Variants in TMTC1 observed in about 807,000 individuals in gnomAD.
TMTC1 encodes the protein protein O-mannosyl-transferase TMTC1.
A neutral mutation model predicts 104.8 loss-of-function variants in TMTC1; 73 were observed. The ratio of observed to expected loss-of-function variants is 0.70; its 90% CI spans 0.58 to 0.85. TMTC1 has a LOEUF of 0.85. Ranked by LOEUF, TMTC1 falls within the 40% of genes least tolerant of loss-of-function variation. The pLI is 0.00. For missense variants in TMTC1, 1,035 were observed against 1,096.1 expected (o/e 0.94, Z 0.79); for synonymous variants, 434 against 428.7 (o/e 1.01, Z -0.15).
At chr12:29,714,009 C>G (rs1445677460) in intron 5 of TMTC1, among the ~76,000 whole-genome samples, 1 of 152,106 alleles carries the variant, frequency 6.6e-6, no homozygotes, top group Non-Finnish European at 1.5e-5. Context: ...TTCTTTCTCA[C>G]CGGAGGGCAC....
At chr12:29,508,141 G>T (rs1003542216) in intron 17 of TMTC1, among the ~76,000 whole-genome samples, 9 of 152,090 alleles carry the variant, frequency 5.9e-5, no homozygotes, top group Non-Finnish European at 1.0e-4. Flanking sequence ...GTATTTACTG[G>T]TCATATTGGT....
rs1943503103 is a variant in TMTC1 at position 29,767,812 on chromosome 12, G to A, written c.480+86C>T. The A allele has an allele frequency of 2.6e-6, 3 of 1,149,212 alleles. No individual in the cohort carries two copies. In the Admixed American group the frequency reaches 6.6e-5, roughly 25 times the overall value. The allele number at this position is 1,149,212 out of a possible 1,614,324, so 71.2% of individuals were successfully genotyped here. On this transcript the variant is annotated intron_variant, in intron 2 of 17. Coordinates refer to ENST00000539277, the MANE Select transcript of TMTC1 (RefSeq NM_001193451.2). ...TCTACATATACACACATATTTACAT[G>A]TATATATATGTGTGTGTATACACGT...
chr12:29,768,436 T>A (rs1943523242), intron 1 of TMTC1, among the ~76,000 whole-genome samples: 1 of 151,984 alleles, frequency 6.6e-6, no homozygotes, highest in African/African-American at 2.4e-5. Flanking sequence ...AGCAACTGAG[T>A]GTTGAAAGGG....
chr12:29,586,999 C>G (rs1299027226), intron 7 of TMTC1, among the ~76,000 whole-genome samples: 27 of 152,066 alleles, frequency 1.8e-4, no homozygotes, highest in Non-Finnish European at 1.2e-4. Flanking sequence ...GGAATAGTTT[C>G]AGAAGGAATG....
chr12:29,601,281 G>A (rs1349045772), intron 7 of TMTC1, among the ~76,000 whole-genome samples: 1 of 152,176 alleles, frequency 6.6e-6, no homozygotes, highest in East Asian at 1.9e-4. Flanking sequence ...AAGGGTTGGC[G>A]ACAATACTAT....
At chr12:29,664,494 TAAAC>T (rs1314091944) in intron 5 of TMTC1, among the ~76,000 whole-genome samples, 1 of 152,044 alleles carries the variant, frequency 6.6e-6, no homozygotes, top group Non-Finnish European at 1.5e-5. Context: ...ACACCAAAAA[TAAAC>T]AAACTTTCCC....
At chr12:29,755,016 C>A (rs758971057) in intron 4 of TMTC1, among the ~76,000 whole-genome samples, 3 of 151,918 alleles carry the variant, frequency 2.0e-5, no homozygotes, top group Non-Finnish European at 2.9e-5. Context: ...AAAAATGGGG[C>A]CTGCTTGTAA....
chr12:29,642,956 C>CA (rs58327324), intron 5 of TMTC1, among the ~76,000 whole-genome samples: 18,839 of 150,246 alleles, frequency 0.13, 1,216 homozygotes, highest in African/African-American at 0.16. Context: ...AACAAACAAA[C>CA]AAAAAAACCC....
intron 9 of TMTC1, among the ~76,000 whole-genome samples, chr12:29,567,062 A>T (rs1945536007): frequency 6.6e-6 from 1 of 152,098 alleles, no homozygotes; most frequent in African/African-American, 2.4e-5. Context: ...TTTAAAAGTA[A>T]ATCTCTTGCC....
intron 5 of TMTC1, among the ~76,000 whole-genome samples, chr12:29,715,985 C>CAGT (rs1393534002): frequency 2.5e-5 from 3 of 121,338 alleles, no homozygotes; most frequent in African/African-American, 9.4e-5. Context: ...CAGCCAAACT[C>CAGT]AGTATTATTA....
At chr12:29,526,029 C>T (rs1944334300) in intron 11 of TMTC1, among the ~76,000 whole-genome samples, 1 of 152,098 alleles carries the variant, frequency 6.6e-6, no homozygotes, top group South Asian at 2.1e-4. Context: ...TTAAAAATGA[C>T]AGTTGAATGA....
intron 6 of TMTC1, among the ~76,000 whole-genome samples, chr12:29,620,370 G>A (rs1947098859): frequency 6.6e-6 from 1 of 152,144 alleles, no homozygotes; most frequent in African/African-American, 2.4e-5. Flanking sequence ...TGGAATCTGG[G>A]CAACACAACT....
chr12:29,501,695 C>T lies in TMTC1; in HGVS notation c.*5151G>A, dbSNP rs1374816505. ...ATTTTTAGAAATAGACATGTCTCTC[C>T]AGGTAGGAGTCAATGGTGATCTATG... On this transcript the variant is annotated 3_prime_UTR_variant, in exon 18 of 18. Coordinates refer to ENST00000539277, the MANE Select transcript of TMTC1 (RefSeq NM_001193451.2). 6.6e-6 allele frequency: 1 copy of T among 152,076 alleles called. No individual in the cohort carries two copies. The highest frequency in any genetic ancestry group is 1.5e-5 in the Non-Finnish European group (1 of 68,022). The allele number at this position is 152,076 out of a possible 1,614,324, so 9.4% of individuals were successfully genotyped here.
intron 5 of TMTC1, among the ~76,000 whole-genome samples, chr12:29,689,323 C>T (rs575530690): frequency 4.6e-5 from 7 of 151,860 alleles, no homozygotes; most frequent in African/African-American, 1.7e-4. Flanking sequence ...ACTCTGTCAC[C>T]CAGGCTGGAG....
At chr12:29,727,289 G>C (rs570185971) in intron 5 of TMTC1, among the ~76,000 whole-genome samples, 85 of 152,340 alleles carry the variant, frequency 5.6e-4, no homozygotes, top group African/African-American at 1.9e-3. Context: ...GGATTACAGT[G>C]ATGCAGGAGC....
chr12:29,655,437 G>A (rs1246749049), intron 5 of TMTC1, among the ~76,000 whole-genome samples: 1 of 152,152 alleles, frequency 6.6e-6, no homozygotes, highest in African/African-American at 2.4e-5. Context: ...AGAGAGGAAA[G>A]AAATCATCAC....
At chr12:29,686,655 C>T (rs182097769) in intron 5 of TMTC1, among the ~76,000 whole-genome samples, 2 of 152,294 alleles carry the variant, frequency 1.3e-5, no homozygotes, top group East Asian at 3.9e-4. Context: ...CTTGAGCTTC[C>T]ATTTCCCACA....
chr12:29,561,923 A>G (rs1945388037), intron 9 of TMTC1, among the ~76,000 whole-genome samples: 1 of 152,174 alleles, frequency 6.6e-6, no homozygotes, highest in African/African-American at 2.4e-5. Context: ...TTGAGAAAAT[A>G]AGAGTCCAAA....
chr12:29,744,600 A>G (rs1050324190), intron 5 of TMTC1, among the ~76,000 whole-genome samples: 2 of 152,240 alleles, frequency 1.3e-5, no homozygotes, highest in African/African-American at 4.8e-5. Flanking sequence ...TGAACTCATA[A>G]AGGTACTTCC....
Sources: gnomAD v4.1 joint callset for allele counts (sites outside exome capture counted in the v4.1 genomes callset) on GRCh38, gnomAD v4.1.1 for gene constraint, MANE v1.5 for transcripts, NCBI Gene and HGNC (gene_info 2026-07-23, HGNC 2026-07-21) for gene names.